DOK6: variants seen among roughly 807,000 people sequenced by gnomAD.
DOK6 encodes docking protein 6, also known as downstream of tyrosine kinase 6.
DOK6 carries 22 observed loss-of-function variants against 44.0 expected under a neutral mutation model. The ratio of observed to expected loss-of-function variants is 0.50; its 90% CI spans 0.36 to 0.71. The LOEUF (loss-of-function observed/expected upper bound fraction) is 0.71. DOK6 is among the 30% of genes least tolerant of loss of function. DOK6 has a pLI of 0.00. For synonymous variants in DOK6, 166 were observed against 145.5 expected (o/e 1.14, Z -1.01); for missense variants, 340 against 416.4 (o/e 0.82, Z 1.60).
chr18:69,766,402 G>A (rs749736499), intron 7 of DOK6, among the ~76,000 whole-genome samples: 9 of 152,204 alleles, frequency 5.9e-5, no homozygotes, highest in Non-Finnish European at 1.0e-4. Context: ...AAGAAAAGTC[G>A]AAATTGTTTA....
intron 1 of DOK6, among the ~76,000 whole-genome samples, chr18:69,463,320 A>T (rs954111095): frequency 7.3e-5 from 11 of 151,556 alleles, no homozygotes; most frequent in African/African-American, 2.4e-4. Flanking sequence ...CCACACATCA[A>T]TCTTGGGAGA....
intron 7 of DOK6, among the ~76,000 whole-genome samples, chr18:69,793,279 T>C (rs1169803990): frequency 6.6e-6 from 1 of 152,164 alleles, no homozygotes; most frequent in Non-Finnish European, 1.5e-5. Context: ...TAATTTAGAA[T>C]AGCATCCACA....
At chr18:69,633,784 A>C (rs1984742713) in intron 3 of DOK6, among the ~76,000 whole-genome samples, 1 of 152,160 alleles carries the variant, frequency 6.6e-6, no homozygotes, top group Non-Finnish European at 1.5e-5. Flanking sequence ...TGGAGACAAT[A>C]AGGAGTATAT....
At chr18:69,758,720 T>C (rs1371656647) in intron 7 of DOK6, among the ~76,000 whole-genome samples, 4 of 152,216 alleles carry the variant, frequency 2.6e-5, no homozygotes, top group African/African-American at 9.7e-5. Flanking sequence ...TTGAGCACCA[T>C]AGGCTTGAAT....
intron 1 of DOK6, among the ~76,000 whole-genome samples, chr18:69,456,028 A>G (rs1160349551): frequency 6.6e-6 from 1 of 152,174 alleles, no homozygotes; most frequent in East Asian, 1.9e-4. Flanking sequence ...AATATACATG[A>G]TACAAGATTA....
At chr18:69,528,161 T>TAA (rs148258511) in intron 1 of DOK6, among the ~76,000 whole-genome samples, 1 of 93,784 alleles carries the variant, frequency 1.1e-5, no homozygotes, top group Non-Finnish European at 2.2e-5. Flanking sequence ...AGACTCTGTC[T>TAA]CAAAAAAAAA....
At chr18:69,756,174 G>A (rs1009347681) in intron 6 of DOK6, among the ~76,000 whole-genome samples, 27 of 152,162 alleles carry the variant, frequency 1.8e-4, no homozygotes, top group Non-Finnish European at 3.5e-4. Context: ...TCCCCGGGGA[G>A]CCTTCCTTAT....
At chr18:69,824,754 C>T (rs1257119265) in intron 7 of DOK6, among the ~76,000 whole-genome samples, 1 of 152,182 alleles carries the variant, frequency 6.6e-6, no homozygotes, top group African/African-American at 2.4e-5. Flanking sequence ...TGTTAATGAA[C>T]ACCCAAATGG....
At chr18:69,758,835 C>T (rs888907437) in intron 7 of DOK6, among the ~76,000 whole-genome samples, 5 of 152,192 alleles carry the variant, frequency 3.3e-5, no homozygotes, top group African/African-American at 1.2e-4. Flanking sequence ...AGCTTTTGCT[C>T]ACTATTAACA....
At chr18:69,709,506 TC>T (rs1332703803) in intron 5 of DOK6, among the ~76,000 whole-genome samples, 1 of 152,062 alleles carries the variant, frequency 6.6e-6, no homozygotes, top group African/African-American at 2.4e-5. Context: ...AGGAGGAGGG[TC>T]AAAATTATAG....
chr18:69,695,484 A>T (rs143592729), intron 4 of DOK6, among the ~76,000 whole-genome samples: 1 of 152,236 alleles, frequency 6.6e-6, no homozygotes, highest in Non-Finnish European at 1.5e-5. Flanking sequence ...ATTTTAATGG[A>T]GCCAATTTTA....
chr18:69,607,561 A>T (rs1381872241), intron 3 of DOK6, among the ~76,000 whole-genome samples: 1 of 152,160 alleles, frequency 6.6e-6, no homozygotes, highest in East Asian at 1.9e-4. Flanking sequence ...AACCTCTCCC[A>T]TGTTAATACT....
At chr18:69,478,217 A>C (rs192814142) in intron 1 of DOK6, among the ~76,000 whole-genome samples, 151 of 152,304 alleles carry the variant, frequency 9.9e-4, no homozygotes, top group African/African-American at 3.5e-3. Context: ...CACTAGACTT[A>C]ATATTTCATG....
At chr18:69,432,066 G>T (rs762153934) in intron 1 of DOK6, among the ~76,000 whole-genome samples, 4 of 152,110 alleles carry the variant, frequency 2.6e-5, no homozygotes, top group Non-Finnish European at 5.9e-5. Flanking sequence ...AATTTGAAAA[G>T]AAATTACAAT....
At chr18:69,760,798 T>C (rs1247089131) in intron 7 of DOK6, among the ~76,000 whole-genome samples, 1 of 67,702 alleles carries the variant, frequency 1.5e-5, no homozygotes, top group Admixed American at 1.5e-4. Flanking sequence ...GTGTTTTCTA[T>C]CTAGTAGGAG....
chr18:69,495,984 G>A (rs1337275601), intron 1 of DOK6, among the ~76,000 whole-genome samples: 4 of 152,228 alleles, frequency 2.6e-5, no homozygotes, highest in Non-Finnish European at 4.4e-5. Flanking sequence ...GGCAGCGAAA[G>A]CAGACACTTC....
At chr18:69,833,497 G>A (rs768836758) in intron 7 of DOK6, among the ~76,000 whole-genome samples, 4 of 152,030 alleles carry the variant, frequency 2.6e-5, no homozygotes, top group Non-Finnish European at 5.9e-5. Flanking sequence ...CATTGGTCTG[G>A]ACAAAGATTT....
intron 2 of DOK6, among the ~76,000 whole-genome samples, chr18:69,583,924 C>T (rs1415979124): frequency 2.0e-5 from 3 of 152,068 alleles, no homozygotes; most frequent in East Asian, 1.9e-4. Flanking sequence ...CTGGCTAACA[C>T]GGTGAAACCC....
intron 1 of DOK6, among the ~76,000 whole-genome samples, chr18:69,474,759 T>A (rs555559212): frequency 6.6e-6 from 1 of 152,340 alleles, no homozygotes; most frequent in Admixed American, 6.5e-5. Context: ...AATCAGTGTA[T>A]TCAGAGCTAG....
Sources: allele counts gnomAD v4.1 joint callset (sites outside exome capture counted in the v4.1 genomes callset), GRCh38; gene constraint gnomAD v4.1.1; transcripts MANE v1.5; gene names NCBI Gene and HGNC (gene_info 2026-07-23, HGNC 2026-07-21).